ANKIB1: variants seen among roughly 807,000 people sequenced by gnomAD.
ANKIB1 encodes the protein ankyrin repeat and IBR domain containing 1, also known as ankyrin repeat and IBR domain-containing protein 1.
In ANKIB1, 43 loss-of-function variants were observed where a neutral mutation model predicts 122.1. The observed-to-expected ratio is 0.35, with a 90% confidence interval of 0.28 to 0.45. ANKIB1 has a LOEUF of 0.45. Ranked by LOEUF, ANKIB1 falls within the 20% of genes least tolerant of loss-of-function variation. The pLI is 1.00. For synonymous variants in ANKIB1, 390 were observed against 442.0 expected (o/e 0.88, Z 1.48); for missense variants, 992 against 1,329.5 (o/e 0.75, Z 3.95).
intron 17 of ANKIB1, 195 bp from the exon 18 acceptor site, chr7:92,396,170 G>A (rs1006556888): frequency 4.3e-5 from 24 of 564,350 alleles, no homozygotes; most frequent in Non-Finnish European, 6.9e-5. Context: ...TGTAATGACT[G>A]TTGAAAACTT....
intron 5 of ANKIB1, among the ~76,000 whole-genome samples, chr7:92,333,823 ATCTG>A (rs1803231040): frequency 1.3e-5 from 2 of 152,196 alleles, no homozygotes; most frequent in Admixed American, 1.3e-4. Context: ...TTTAATGTCT[ATCTG>A]TCTTAGTTAT....
chr7:92,273,584 A>T (rs1801841590), intron 1 of ANKIB1, among the ~76,000 whole-genome samples: 1 of 152,186 alleles, frequency 6.6e-6, no homozygotes. Flanking sequence ...GATGAAGTAA[A>T]TGTAGGGAAA....
chr7:92,300,248 A>G (rs1400377207), intron 2 of ANKIB1, among the ~76,000 whole-genome samples: 2 of 152,220 alleles, frequency 1.3e-5, no homozygotes, highest in African/African-American at 2.4e-5. Context: ...TTAAAGACCT[A>G]CAGGAAATAT....
intron 12 of ANKIB1, 91 bp from the exon 13 acceptor site, chr7:92,387,707 C>A: frequency 1.2e-6 from 1 of 847,038 alleles, no homozygotes; most frequent in Non-Finnish European, 1.9e-6. Context: ...TACTACCTAT[C>A]ACTAATAAAA....
At chr7:92,348,588 G>T (rs1268264407) in intron 7 of ANKIB1, among the ~76,000 whole-genome samples, 1 of 152,024 alleles carries the variant, frequency 6.6e-6, no homozygotes, top group East Asian at 1.9e-4. Flanking sequence ...GTTTCACCAC[G>T]TTGGTCAGGC....
At chr7:92,295,272 A>G (rs1217601990) in intron 2 of ANKIB1, 106 bp downstream of exon 2, 1 of 782,036 alleles carries the variant, frequency 1.3e-6, no homozygotes, top group African/African-American at 1.8e-5. Context: ...ACGGACATAT[A>G]CAGACATGAT....
chr7:92,256,001 G>A lies in ANKIB1; in HGVS notation c.-91+9482G>A, dbSNP rs112682485. Among the ~76,000 whole-genome samples, 5 of 152,306 alleles carry A rather than the reference G, an allele frequency of 3.3e-5. 1 individual carries two copies. Among genetic ancestry groups the A allele is most frequent in the African/African-American group, 1.2e-4 (5 of 41,572 alleles). On this transcript the variant is annotated intron_variant, in intron 1 of 19. Coordinates refer to ENST00000265742, the MANE Select transcript of ANKIB1 (RefSeq NM_019004.2). ...AGAAGCAGATAAACATTTAATTATA[G>A]TTTTAGATGGTAAGTTGAGTGTAGT... is the stretch of plus-strand genomic sequence containing the variant.
chr7:92,376,630 G>A (rs1804389320), intron 11 of ANKIB1, among the ~76,000 whole-genome samples: 1 of 151,832 alleles, frequency 6.6e-6, no homozygotes. Context: ...TGTATTTTTA[G>A]TAGAGAAGGG....
intron 11 of ANKIB1, among the ~76,000 whole-genome samples, chr7:92,375,639 A>G (rs1321817930): frequency 6.6e-6 from 1 of 152,140 alleles, no homozygotes; most frequent in Non-Finnish European, 1.5e-5. Flanking sequence ...GAAGTTTTGA[A>G]CTCTTCAAAG....
At chr7:92,355,864 A>G (rs1803796087) in intron 9 of ANKIB1, among the ~76,000 whole-genome samples, 1 of 146,674 alleles carries the variant, frequency 6.8e-6, no homozygotes. Context: ...AATAATAATA[A>G]TAATAATAAT....
chr7:92,302,387 A>G (rs1585096676), intron 2 of ANKIB1, among the ~76,000 whole-genome samples: 1 of 152,108 alleles, frequency 6.6e-6, no homozygotes, highest in African/African-American at 2.4e-5. Flanking sequence ...AGCAGGCATC[A>G]CTTTCTTCGT....
chr7:92,329,412 C>T (rs1233396354), intron 5 of ANKIB1, among the ~76,000 whole-genome samples: 3 of 152,156 alleles, frequency 2.0e-5, no homozygotes, highest in Non-Finnish European at 4.4e-5. Flanking sequence ...GAATCTAAGT[C>T]ATTAGGTCTA....
intron 1 of ANKIB1, among the ~76,000 whole-genome samples, chr7:92,277,283 C>T (rs997395738): frequency 2.6e-5 from 4 of 152,178 alleles, no homozygotes; most frequent in African/African-American, 4.8e-5. Flanking sequence ...AAAGAATTCA[C>T]AATTGTTAGG....
intron 17 of ANKIB1, among the ~76,000 whole-genome samples, chr7:92,393,469 A>G (rs894428060): frequency 6.6e-6 from 1 of 152,118 alleles, no homozygotes; most frequent in Non-Finnish European, 1.5e-5. Context: ...ACTTCCACCT[A>G]AAAGGAAGAA....
At chr7:92,273,939 G>GT (rs1425937875) in intron 1 of ANKIB1, among the ~76,000 whole-genome samples, 3 of 151,774 alleles carry the variant, frequency 2.0e-5, no homozygotes, top group Admixed American at 6.6e-5. Context: ...TGGCTGGCTA[G>GT]TTTTTTTATT....
intron 9 of ANKIB1, among the ~76,000 whole-genome samples, chr7:92,359,473 C>T (rs952204802): frequency 6.6e-6 from 1 of 152,136 alleles, no homozygotes; most frequent in African/African-American, 2.4e-5. Flanking sequence ...GTCTATCATT[C>T]GTGGACTTTT....
chr7:92,385,867 A>G (rs1210140998), intron 11 of ANKIB1, among the ~76,000 whole-genome samples: 2 of 152,194 alleles, frequency 1.3e-5, no homozygotes, highest in East Asian at 1.9e-4. Context: ...GTACCCTAGA[A>G]CTTAATGTAT....
intron 5 of ANKIB1, among the ~76,000 whole-genome samples, chr7:92,330,569 G>A (rs946024155): frequency 3.3e-5 from 5 of 152,156 alleles, no homozygotes; most frequent in East Asian, 1.9e-4. Context: ...TTGGCCGGGC[G>A]CAGTGGCTCA....
chr7:92,365,109 C>A (rs952412780), intron 10 of ANKIB1, among the ~76,000 whole-genome samples: 1 of 152,112 alleles, frequency 6.6e-6, no homozygotes, highest in Non-Finnish European at 1.5e-5. Context: ...TTATTGAGTG[C>A]TGTTTTATGT....
Sources: allele counts gnomAD v4.1 joint callset (sites outside exome capture counted in the v4.1 genomes callset), GRCh38; gene constraint gnomAD v4.1.1; transcripts MANE v1.5; gene names NCBI Gene and HGNC (gene_info 2026-07-23, HGNC 2026-07-21).